MGAT4D: variants seen among roughly 807,000 people sequenced by gnomAD.
MGAT4D encodes the protein MGAT4 family member D, also known as alpha-1,3-mannosyl-glycoprotein 4-beta-N-acetylglucosaminyltransferase-like protein MGAT4D.
In MGAT4D, 34 loss-of-function variants were observed where a neutral mutation model predicts 15.9. That is an observed-to-expected ratio of 2.14 (90% CI 1.62 to 2.84). MGAT4D has a LOEUF of 2.84. Ranked by LOEUF, MGAT4D falls within the 30% of genes most tolerant of loss-of-function variation. The pLI, the probability that MGAT4D is intolerant of heterozygous loss-of-function variation, is 0.00. For missense variants in MGAT4D, 327 were observed against 140.2 expected (o/e 2.33, Z -6.73); for synonymous variants, 112 against 48.2 (o/e 2.33, Z -5.49).
chr4:140,461,922 T>G lies in MGAT4D; in HGVS notation c.762+7A>C. 1.5e-6 allele frequency: 1 copy of G among 671,762 alleles called. No individual in the cohort carries two copies. Among genetic ancestry groups the G allele is most frequent in the Non-Finnish European group, 2.7e-6 (1 of 369,996 alleles). 41.6% of individuals were successfully genotyped at this position (671,762 alleles called of 1,614,324 possible). ...ACACACACACACACACACACACAAT[T>G]TCTGACCTGTAAATAATACTTGGCC... is the stretch of plus-strand genomic sequence containing the variant. On this transcript the variant is annotated splice_region_variant and intron_variant, in intron 7 of 10. Coordinates refer to ENST00000511113, the MANE Select transcript of MGAT4D (RefSeq NM_001277353.2).
chr4:140,463,733 A>G (rs1731346312), intron 6 of MGAT4D, among the ~76,000 whole-genome samples: 1 of 152,218 alleles, frequency 6.6e-6, no homozygotes, highest in African/African-American at 2.4e-5. Flanking sequence ...AAGTTGTGGA[A>G]AGGGTGGAAG....
At chr4:140,480,280 T>C (rs1732615253) in intron 2 of MGAT4D, among the ~76,000 whole-genome samples, 1 of 152,156 alleles carries the variant, frequency 6.6e-6, no homozygotes, top group Admixed American at 6.5e-5. Flanking sequence ...CTTGGACATC[T>C]ACATGGAAAA....
intron 10 of MGAT4D, among the ~76,000 whole-genome samples, chr4:140,450,519 T>G (rs1730406496): frequency 6.6e-6 from 1 of 152,248 alleles, no homozygotes; most frequent in African/African-American, 2.4e-5. Flanking sequence ...GATTCCACCT[T>G]GCTTGATAGC....
At position 140,479,627 on chromosome 4, in the gene MGAT4D, A is replaced by G. The variant is rs1732564032; in HGVS notation, c.254T>C (p.Val85Ala). ...TKREILSGNLVAQKADILNKN... is the reference protein window; with the variant it reads ...TKREILSGNLAAQKADILNKN... ...ATTTAATATGTCTGCTTTCTGTGCA[A>G]CTGAAAGAAAAAAATAATGCTTCTG... Residue 85 changes from valine to alanine, a missense_variant and splice_region_variant, in exon 3 of 11, where the codon GTT becomes GCT. By Grantham distance (64) the Val-to-Ala change is moderately conservative. Transcript: ENST00000511113. 1 of 451,312 alleles carries G rather than the reference A, an allele frequency of 2.2e-6. No individual in the cohort carries two copies. Among genetic ancestry groups the G allele is most frequent in the African/African-American group, 2.1e-5 (1 of 47,164 alleles). The allele number at this position is 451,312 out of a possible 1,614,324, so 28.0% of individuals were successfully genotyped here. A position where few individuals can be genotyped will look rare whatever the true frequency, so the allele number is the denominator to read the frequency against.
rs1733377192 is a variant in MGAT4D, at chr4:140,489,623, T to TTTTTTTTTA, written c.95-7139_95-7138insTAAAAAAAA. 6.6e-5 allele frequency among the ~76,000 whole-genome samples: 10 copies of TTTTTTTTTA among 152,360 alleles called. No homozygotes were observed. In the South Asian group the frequency reaches 2.1e-3, roughly 32 times the overall value. On this transcript the variant is annotated intron_variant, in intron 1 of 10. Transcript: ENST00000511113. Reference sequence around the variant, plus strand: ...GGTTTTATACCTTAATAAATAAAACTCTGTACTTGCTTCTTTAGCTCAATT... The same window carrying TTTTTTTTTA: ...GGTTTTATACCTTAATAAATAAAACTTTTTTTTTACTGTACTTGCTTCTTTAGCTCAATT...
intron 10 of MGAT4D, 90 bp downstream of exon 10, chr4:140,451,320 A>C (rs1039258985): frequency 1.9e-5 from 8 of 412,770 alleles, no homozygotes; most frequent in African/African-American, 1.0e-4. Context: ...CATATTTTAT[A>C]GTGTCTTATG....
rs1275607992 is a variant in MGAT4D at position 140,474,801 on chromosome 4, T to C, written c.525+12A>G. 1.5e-5 allele frequency: 10 copies of C among 649,892 alleles called. No homozygotes were observed. The African/African-American group carries it at 1.8e-4, about 12-fold the overall frequency. 40.3% of individuals were successfully genotyped at this position (649,892 alleles called of 1,614,324 possible). On this transcript the variant is annotated intron_variant, in intron 4 of 10. Transcript: ENST00000511113. ...GTGAGGATAAGGAGAGCTCCTTATT[T>C]TGTATACGTACATCTGCAACCAAGA...
At chr4:140,464,825 T>A (rs1434989140) in intron 6 of MGAT4D, 71 bp downstream of exon 6, 8 of 687,700 alleles carry the variant, frequency 1.2e-5, no homozygotes, top group Admixed American at 8.3e-5. Context: ...TAGTTTCTAA[T>A]ATGAGCTGAT....
At chr4:140,466,908 A>G (rs1254224836) in intron 5 of MGAT4D, among the ~76,000 whole-genome samples, 1 of 152,166 alleles carries the variant, frequency 6.6e-6, no homozygotes, top group Non-Finnish European at 1.5e-5. Context: ...TATGGGTTTT[A>G]GACCTAGAAA....
chr4:140,459,407 C>T (rs1469511703), intron 8 of MGAT4D, 105 bp downstream of exon 8: 1 of 351,868 alleles, frequency 2.8e-6, no homozygotes, highest in Non-Finnish European at 5.1e-6. Flanking sequence ...AAAAATCATG[C>T]CATTCTTTTT....
intron 2 of MGAT4D, among the ~76,000 whole-genome samples, chr4:140,480,250 T>C (rs1270955235): frequency 6.6e-6 from 1 of 152,156 alleles, no homozygotes; most frequent in South Asian, 2.1e-4. Context: ...GAAAAGACAG[T>C]TGATAAAGGT....
chr4:140,481,956 G>T (rs552977821), intron 2 of MGAT4D, among the ~76,000 whole-genome samples: 140 of 152,324 alleles, frequency 9.2e-4, no homozygotes, highest in Non-Finnish European at 1.7e-3. Context: ...CAGAAATGAT[G>T]ATGGAAAATG....
intron 10 of MGAT4D, among the ~76,000 whole-genome samples, chr4:140,446,662 C>T (rs1011552502): frequency 6.7e-6 from 1 of 148,416 alleles, no homozygotes; most frequent in African/African-American, 2.5e-5. Context: ...TTTCATGTCT[C>T]AGTCTCCTTC....
At chr4:140,457,579 T>C (rs1282507691) in intron 8 of MGAT4D, 1 of 152,194 alleles carries the variant, frequency 6.6e-6, no homozygotes, top group East Asian at 1.9e-4. Context: ...GGCAAGCTCA[T>C]ATTTTTAGCA....
intron 1 of MGAT4D, among the ~76,000 whole-genome samples, chr4:140,494,419 T>C (rs1160951409): frequency 6.6e-6 from 1 of 152,250 alleles, no homozygotes; most frequent in Non-Finnish European, 1.5e-5. Context: ...TTCTAGCTTT[T>C]CCTTTACTTT....
chr4:140,491,520 C>T (rs1733501124), intron 1 of MGAT4D, among the ~76,000 whole-genome samples: 1 of 152,052 alleles, frequency 6.6e-6, no homozygotes, highest in Admixed American at 6.6e-5. Context: ...AGAGGGGGAA[C>T]ATATGAAGTA....
intron 10 of MGAT4D, among the ~76,000 whole-genome samples, chr4:140,447,950 C>T (rs894804604): frequency 5.3e-5 from 8 of 152,152 alleles, no homozygotes; most frequent in Non-Finnish European, 7.4e-5. Flanking sequence ...TCTTATTCCT[C>T]CTTTGCTTAG....
intron 1 of MGAT4D, among the ~76,000 whole-genome samples, chr4:140,485,650 AAGTC>A (rs1733063042): frequency 6.6e-6 from 1 of 150,770 alleles, no homozygotes; most frequent in Non-Finnish European, 1.5e-5. Context: ...AAAGGAAATA[AAGTC>A]AGTATGTTGG....
chr4:140,470,635 A>AG (rs746437352), intron 5 of MGAT4D, among the ~76,000 whole-genome samples: 3 of 152,194 alleles, frequency 2.0e-5, no homozygotes, highest in Non-Finnish European at 4.4e-5. Flanking sequence ...CATGTTCAAA[A>AG]GTCTAGCATG....
Sources: gnomAD v4.1 joint callset for allele counts (sites outside exome capture counted in the v4.1 genomes callset) on GRCh38, gnomAD v4.1.1 for gene constraint, MANE v1.5 for transcripts, NCBI Gene and HGNC (gene_info 2026-07-23, HGNC 2026-07-21) for gene names.